TBC1D5: variants seen among roughly 807,000 people sequenced by gnomAD.
TBC1D5 encodes TBC1 domain family, member 5.
In TBC1D5, 75 loss-of-function variants were observed where a neutral mutation model predicts 100.3. The ratio of observed to expected loss-of-function variants is 0.75; its 90% confidence interval spans 0.62 to 0.91. The LOEUF is 0.91. TBC1D5 is among the 40% of genes least tolerant of loss of function. The pLI is 0.00. For missense variants in TBC1D5, 910 were observed against 942.4 expected (o/e 0.97, Z 0.45); for synonymous variants, 323 against 325.6 (o/e 0.99, Z 0.09).
At chr3:17,231,461 G>A (rs1234577611) in intron 17 of TBC1D5, among the ~76,000 whole-genome samples, 1 of 151,848 alleles carries the variant, frequency 6.6e-6, no homozygotes, top group Non-Finnish European at 1.5e-5. Flanking sequence ...TAACTGCTGT[G>A]TTAAAAGTCA....
intron 1 of TBC1D5, among the ~76,000 whole-genome samples, chr3:17,648,231 A>G (rs538120280): frequency 6.7e-6 from 1 of 149,844 alleles, no homozygotes; most frequent in Non-Finnish European, 1.5e-5. Flanking sequence ...GCAATGGGTA[A>G]AAGACTCTCT....
At chr3:17,167,080 GA>G (rs1006639509) in intron 20 of TBC1D5, 152 bp from the exon 22 acceptor site, 4 of 847,308 alleles carry the variant, frequency 4.7e-6, no homozygotes, top group African/African-American at 1.7e-5. Context: ...CAAATAATGA[GA>G]AAAAAATCTA....
At chr3:17,446,373 C>G (rs2094794256) in intron 3 of TBC1D5, among the ~76,000 whole-genome samples, 1 of 151,956 alleles carries the variant, frequency 6.6e-6, no homozygotes, top group South Asian at 2.1e-4. Context: ...GGTGACAAAT[C>G]TATTGCATTG....
chr3:17,613,380 C>A lies in TBC1D5; in HGVS notation c.-36+10469G>T, dbSNP rs139755433. ...TGTTTCTTTATAGTAGCATGATTAA[C>A]AATCCTTTGGGTATATACCCAGTAA... On this transcript the variant is annotated intron_variant, in intron 2 of 21. Transcript: ENST00000253692. Among the ~76,000 whole-genome samples, 656 of 152,236 alleles carry A rather than the reference C, an allele frequency of 4.3e-3. 4 individuals are homozygous for A. The highest frequency in any genetic ancestry group is 6.7e-3 in the Non-Finnish European group (458 of 67,990).
chr3:17,262,442 C>T (rs370760160), intron 15 of TBC1D5, among the ~76,000 whole-genome samples: 6 of 150,002 alleles, frequency 4.0e-5, no homozygotes, highest in South Asian at 4.3e-4. Flanking sequence ...TTGACACAGT[C>T]GGGACTTCAA....
chr3:17,384,142 C>T, intron 8 of TBC1D5, 127 bp from the exon 9 acceptor site: 2 of 715,204 alleles, frequency 2.8e-6, no homozygotes, highest in South Asian at 4.8e-5. Flanking sequence ...TGCCATGTAA[C>T]TTATGCCTTT....
intron 15 of TBC1D5, 23 bp downstream of exon 15, chr3:17,291,872 C>G (rs186951553): frequency 6.3e-7 from 1 of 1,593,274 alleles, no homozygotes; most frequent in Admixed American, 1.7e-5. Flanking sequence ...TAAAATTATG[C>G]ATACCCTACT....
intron 2 of TBC1D5, among the ~76,000 whole-genome samples, chr3:17,516,757 G>A (rs1308720318): frequency 6.6e-6 from 1 of 152,104 alleles, no homozygotes; most frequent in Non-Finnish European, 1.5e-5. Flanking sequence ...TATAAATGTG[G>A]TTCATGCTAC....
intron 3 of TBC1D5, among the ~76,000 whole-genome samples, chr3:17,461,392 CAT>C (rs1212644239): frequency 6.6e-6 from 1 of 152,184 alleles, no homozygotes; most frequent in Non-Finnish European, 1.5e-5. Flanking sequence ...AGATTTCCAT[CAT>C]TCACTAACTT....
At chr3:17,536,896 G>A (rs1487177555) in intron 2 of TBC1D5, among the ~76,000 whole-genome samples, 1 of 152,102 alleles carries the variant, frequency 6.6e-6, no homozygotes, top group East Asian at 1.9e-4. Flanking sequence ...GCAGATTATG[G>A]CCAAAGTTTT....
chr3:17,465,922 T>C (rs936171736), intron 3 of TBC1D5, among the ~76,000 whole-genome samples: 9 of 152,204 alleles, frequency 5.9e-5, no homozygotes, highest in Non-Finnish European at 1.2e-4. Context: ...TGGAGGAACA[T>C]ATTTTTACCC....
rs1393553444 is a variant in TBC1D5, at chr3:17,648,015, C to T, written c.-100-24102G>A. On this transcript the variant is annotated intron_variant, in intron 1 of 21. Transcript: ENST00000253692. ...ATTCGTATGAAACTAAAAAAGACAC[C>T]GAATAGCCAAGGCAATCCTAGGCAA... Among the ~76,000 whole-genome samples the T allele has an allele frequency of 2.6e-5, 4 of 151,998 alleles. No homozygotes were observed. The South Asian group carries it at 6.2e-4, about 24-fold the overall frequency.
At chr3:17,376,139 A>C (rs374429351) in intron 10 of TBC1D5, among the ~76,000 whole-genome samples, 48 of 152,286 alleles carry the variant, frequency 3.2e-4, no homozygotes, top group African/African-American at 1.1e-3. Flanking sequence ...AAACCTGATG[A>C]GGAGAGATAA....
intron 2 of TBC1D5, among the ~76,000 whole-genome samples, chr3:17,606,896 C>T (rs1002428523): frequency 2.6e-5 from 4 of 152,048 alleles, no homozygotes; most frequent in Admixed American, 2.0e-4. Context: ...AATCCCAGCT[C>T]AAGATAGGTC....
chr3:17,178,107 C>T (rs1222853825), intron 19 of TBC1D5, among the ~76,000 whole-genome samples: 1 of 147,340 alleles, frequency 6.8e-6, no homozygotes, highest in Non-Finnish European at 1.5e-5. Flanking sequence ...GCTCTGTCGC[C>T]CAGGCTGGAG....
At chr3:17,379,298 A>G (rs756757634) in intron 9 of TBC1D5, among the ~76,000 whole-genome samples, 1 of 152,076 alleles carries the variant, frequency 6.6e-6, no homozygotes, top group Non-Finnish European at 1.5e-5. Flanking sequence ...TAGGTTTATC[A>G]TGAAGTTTTC....
intron 3 of TBC1D5, among the ~76,000 whole-genome samples, chr3:17,492,720 G>A (rs1190961672): frequency 6.6e-6 from 1 of 152,182 alleles, no homozygotes; most frequent in Non-Finnish European, 1.5e-5. Context: ...ACAGGCGTGA[G>A]CCACCATACT....
intron 21 of TBC1D5, among the ~76,000 whole-genome samples, chr3:17,166,099 C>T (rs923668938): frequency 1.1e-4 from 17 of 151,942 alleles, no homozygotes; most frequent in African/African-American, 4.1e-4. Flanking sequence ...AAACTATGGC[C>T]AAATCCAGCC....
At chr3:17,740,285 G>GC (rs2077313947) in exon 1 of TBC1D5, 1 of 151,318 alleles carries the variant, frequency 6.6e-6, no homozygotes, top group East Asian at 1.9e-4. Context: ...CCGAGATCGA[G>GC]CCACTGCACC....
Sources: gnomAD v4.1 joint callset for allele counts (sites outside exome capture counted in the v4.1 genomes callset) on GRCh38, gnomAD v4.1.1 for gene constraint, MANE v1.5 for transcripts, NCBI Gene and HGNC (gene_info 2026-07-23, HGNC 2026-07-21) for gene names.